PLB1: variants seen among roughly 807,000 people sequenced by gnomAD.
PLB1 encodes the protein phospholipase B1, membrane-associated.
Under a neutral mutation model 227.4 loss-of-function variants are expected in PLB1, and 242 were observed. The ratio of observed to expected loss-of-function variants is 1.06; its 90% CI spans 0.96 to 1.18. PLB1 has a LOEUF of 1.18. PLB1 is among the 50% of genes most tolerant of loss of function. PLB1 has a pLI of 0.00. For synonymous variants in PLB1, 757 were observed against 682.2 expected (o/e 1.11, Z -1.71); for missense variants, 1,858 against 1,816.3 (o/e 1.02, Z -0.42).
At chr2:28,500,229 C>T (rs181116994) in intron 1 of PLB1, among the ~76,000 whole-genome samples, 10 of 152,196 alleles carry the variant, frequency 6.6e-5, no homozygotes, top group African/African-American at 1.9e-4. Context: ...ATAGTTCTCT[C>T]GGCTTTTTGT....
intron 20 of PLB1, among the ~76,000 whole-genome samples, chr2:28,568,664 T>G (rs1274989401): frequency 2.6e-5 from 4 of 152,234 alleles, no homozygotes; most frequent in Non-Finnish European, 5.9e-5. Flanking sequence ...AAAGTGTCTT[T>G]GGCAGCATGT....
At position 28,632,042 on chromosome 2, in the gene PLB1, A is replaced by T. The variant is rs757404223; in HGVS notation, c.3904A>T (p.Ile1302Phe). The change falls in exon 55 of 58, where the codon ATC becomes TTC. Residue 1302 changes from isoleucine to phenylalanine, a missense_variant. Coordinates refer to ENST00000327757, the MANE Select transcript of PLB1 (RefSeq NM_153021.5). ...KKVNWNLQHG[I>F]SSFSYWHQYT... ...CTTCTCTCTCTGTCCCCAGCATGGC[A>T]TCTCCAGTTTCTCCTACTGGCACCA... 1 of 1,613,650 alleles carries T rather than the reference A, an allele frequency of 6.2e-7. No homozygotes were observed. Among genetic ancestry groups the T allele is most frequent in the East Asian group, 2.2e-5 (1 of 44,852 alleles).
chr2:28,578,082 C>T (rs368395314), intron 21 of PLB1, 25 bp from the exon 22 acceptor site: 187 of 1,612,738 alleles, frequency 1.2e-4, no homozygotes, highest in Middle Eastern at 3.3e-4. Context: ...CTCCTCACAG[C>T]ACTTCCTCTG....
intron 1 of PLB1, among the ~76,000 whole-genome samples, chr2:28,514,684 A>G (rs1400004935): frequency 6.6e-6 from 1 of 152,130 alleles, no homozygotes; most frequent in East Asian, 1.9e-4. Context: ...CTGGCCCTAT[A>G]TAGAAAAAGT....
At chr2:28,605,370 G>A (rs1245933897) in intron 41 of PLB1, among the ~76,000 whole-genome samples, 2 of 152,148 alleles carry the variant, frequency 1.3e-5, no homozygotes, top group East Asian at 3.8e-4. Flanking sequence ...GCAGCTCTAT[G>A]CACCCCCAGC....
Position 28,618,372 on chromosome 2 carries a change from G to A in PLB1, c.3288G>A (p.Val1096=). Residue 1096 remains valine (V), a synonymous_variant, in exon 46 of 58, where the codon GTG becomes GTA. Transcript: ENST00000327757. ...VHQLRPADIK[V]VAALGDSLTT... ...AGCTCCGACCAGCAGACATCAAAGTGGTGGCCGCCCTGGGTGACTCTCTGA... is the reference window on the plus strand; with the variant it reads ...AGCTCCGACCAGCAGACATCAAAGTAGTGGCCGCCCTGGGTGACTCTCTGA... 1.2e-6 allele frequency: 2 copies of A among 1,614,156 alleles called. No individual in the cohort carries two copies. Among genetic ancestry groups the A allele is most frequent in the South Asian group, 2.2e-5 (2 of 91,082 alleles).
chr2:28,620,146 C>G (rs1163200592), intron 46 of PLB1, 119 bp from the exon 47 acceptor site: 3 of 600,216 alleles, frequency 5.0e-6, no homozygotes. Flanking sequence ...GGAGAAAAGC[C>G]GGTACTATTT....
intron 39 of PLB1, 55 bp downstream of exon 39, chr2:28,602,976 C>A: frequency 1.3e-6 from 2 of 1,485,272 alleles, no homozygotes; most frequent in Non-Finnish European, 1.9e-6. Flanking sequence ...CCTGGTCTGG[C>A]CCACATGCAG....
intron 32 of PLB1, among the ~76,000 whole-genome samples, chr2:28,593,235 GC>G (rs1032286870): frequency 1.3e-5 from 2 of 152,178 alleles, no homozygotes; most frequent in Non-Finnish European, 2.9e-5. Flanking sequence ...CTTACAGAAT[GC>G]CCCAGAGGGA....
intron 50 of PLB1, among the ~76,000 whole-genome samples, chr2:28,626,227 C>A (rs1311582304): frequency 6.6e-6 from 1 of 152,026 alleles, no homozygotes; most frequent in African/African-American, 2.4e-5. Context: ...AACTCCTGAC[C>A]TCAGGTGATC....
intron 39 of PLB1, among the ~76,000 whole-genome samples, chr2:28,603,577 A>G (rs1684223744): frequency 6.6e-6 from 1 of 152,224 alleles, no homozygotes; most frequent in African/African-American, 2.4e-5. Flanking sequence ...GAGAGGTCTA[A>G]GGCATAGCAT....
chr2:28,518,439 GT>G, intron 2 of PLB1, 26 bp from the exon 3 acceptor site: 2 of 1,568,508 alleles, frequency 1.3e-6, no homozygotes, highest in East Asian at 4.5e-5. Flanking sequence ...GGCAGTTGAT[GT>G]TTCTGATGTT....
chr2:28,508,857 A>T (rs950756621), intron 1 of PLB1, among the ~76,000 whole-genome samples: 2 of 152,232 alleles, frequency 1.3e-5, no homozygotes, highest in African/African-American at 4.8e-5. Flanking sequence ...AAAGAGCCCA[A>T]GAATTTAATG....
chr2:28,603,853 T>C (rs72793598), intron 39 of PLB1, 113 bp from the exon 40 acceptor site: 89,539 of 979,960 alleles, frequency 0.091, 5,028 homozygotes, highest in Non-Finnish European at 0.11. Context: ...TGAGTGCTCC[T>C]AAACCAGGGC....
At chr2:28,631,289 C>T (rs747370578) in intron 54 of PLB1, among the ~76,000 whole-genome samples, 11 of 152,162 alleles carry the variant, frequency 7.2e-5, no homozygotes, top group Non-Finnish European at 1.3e-4. Flanking sequence ...TCTATTGTTC[C>T]CTCTCAGGCT....
intron 51 of PLB1, among the ~76,000 whole-genome samples, chr2:28,627,161 T>C (rs1220439250): frequency 1.3e-5 from 2 of 152,212 alleles, no homozygotes; most frequent in Non-Finnish European, 2.9e-5. Context: ...AAGGCATTTA[T>C]CACTCCTTGT....
chr2:28,533,901 G>T (rs1333396673), intron 9 of PLB1, among the ~76,000 whole-genome samples: 3 of 152,102 alleles, frequency 2.0e-5, no homozygotes, highest in Non-Finnish European at 4.4e-5. Flanking sequence ...TTTTAGTTAT[G>T]CAAGCAATAC....
intron 23 of PLB1, among the ~76,000 whole-genome samples, chr2:28,581,487 AAAT>A (rs1285464170): frequency 0.24 from 8,963 of 37,460 alleles, 488 homozygotes; most frequent in Middle Eastern, 0.4. Flanking sequence ...CCACGCAAAA[AAAT>A]AAATAAATAA....
intron 1 of PLB1, among the ~76,000 whole-genome samples, chr2:28,509,874 GT>G (rs1668037797): frequency 6.6e-6 from 1 of 152,150 alleles, no homozygotes; most frequent in Non-Finnish European, 1.5e-5. Context: ...ACTGTACCTG[GT>G]GAAAGCAGAG....
Sources: allele counts gnomAD v4.1 joint callset (sites outside exome capture counted in the v4.1 genomes callset), GRCh38; gene constraint gnomAD v4.1.1; transcripts MANE v1.5; gene names NCBI Gene and HGNC (gene_info 2026-07-23, HGNC 2026-07-21).